The following TMEM131L variants were observed in gnomAD, a reference collection of about 807,000 sequenced individuals.
TMEM131L encodes transmembrane 131 like.
A neutral mutation model predicts 192.2 loss-of-function variants in TMEM131L; 54 were observed. The observed-to-expected ratio is 0.28, with a 90% CI of 0.23 to 0.35. The LOEUF (loss-of-function observed/expected upper bound fraction) is 0.35, where lower values mean the gene tolerates loss of function less well. Among genes scored for constraint, TMEM131L ranks in the 10% least tolerant of loss-of-function variants. TMEM131L has a pLI of 1.00. For missense variants in TMEM131L, 1,888 were observed against 1,972.9 expected (o/e 0.96, Z 0.82); for synonymous variants, 701 against 704.9 (o/e 0.99, Z 0.09).
chr4:153,498,195 G>C (rs1733327427), intron 3 of TMEM131L, among the ~76,000 whole-genome samples: 1 of 152,196 alleles, frequency 6.6e-6, no homozygotes, highest in Admixed American at 6.5e-5. Context: ...GGTAGGCTCT[G>C]GACAGAGCCA....
chr4:153,594,306 TTATCTATAAAAAAGGAC>T (rs963013345), intron 19 of TMEM131L, among the ~76,000 whole-genome samples: 4 of 152,348 alleles, frequency 2.6e-5, no homozygotes, highest in Admixed American at 2.6e-4. Context: ...GATGTTTACC[TTATCTATAAAAAAGGAC>T]TACTCTAAAA....
Position 153,494,867 on chromosome 4 carries a change from T to A in TMEM131L, c.239+20979T>A, listed in dbSNP as rs567003985. ...TTTTAGACATTTGCTCTGAGACCAG[T>A]GCATTGGGTGACCTGCCGGGGCTCC... On this transcript the variant is annotated intron_variant, in intron 3 of 34. Coordinates refer to ENST00000409959, the MANE Select transcript of TMEM131L (RefSeq NM_001131007.2). Among the ~76,000 whole-genome samples the A allele has an allele frequency of 3.2e-3, 489 of 152,326 alleles. 5 individuals carry two copies. The highest frequency in any genetic ancestry group is 9.5e-3 in the African/African-American group (394 of 41,572).
intron 23 of TMEM131L, 80 bp from the exon 24 acceptor site, chr4:153,603,223 C>A (rs752156174): frequency 7.8e-5 from 94 of 1,207,694 alleles, no homozygotes; most frequent in Admixed American, 1.6e-4. Flanking sequence ...AAATCATTCC[C>A]CACTCTTCTG....
At position 153,623,010 on chromosome 4, in the gene TMEM131L, G is replaced by T. The variant is rs770403271; in HGVS notation, c.3972G>T (p.Gly1324=). ...TGCGTGCCAGCCGGGGCAGCTGGGG[G>T]AGCTGGAGCAGCACCAGCAGCTCCG... The part of the protein sequence containing the change: ...GSVRASRGSW[G]SWSSTSSSDG... The change falls in exon 29 of 35, where the codon GGG becomes GGT. Residue 1324 remains glycine (G), a synonymous_variant. Transcript: ENST00000409959. 4.3e-6 allele frequency: 7 copies of T among 1,614,098 alleles called. No homozygotes were observed. The South Asian group carries it at 6.6e-5, about 15-fold the overall frequency.
chr4:153,552,534 T>C (rs1174438676), intron 4 of TMEM131L, among the ~76,000 whole-genome samples: 1 of 152,066 alleles, frequency 6.6e-6, no homozygotes, highest in African/African-American at 2.4e-5. Flanking sequence ...CCATATACTT[T>C]AGATTATCTC....
chr4:153,600,335 C>T (rs1731744724), intron 21 of TMEM131L, among the ~76,000 whole-genome samples: 1 of 151,234 alleles, frequency 6.6e-6, no homozygotes, highest in South Asian at 2.1e-4. Flanking sequence ...CCACTGCACT[C>T]CAGCGTGGGT....
At chr4:153,634,342 G>C (rs969641547) in intron 33 of TMEM131L, 62 bp downstream of exon 33, 26 of 1,311,276 alleles carry the variant, frequency 2.0e-5, no homozygotes, top group Non-Finnish European at 2.8e-5. Flanking sequence ...AAAGCAGGAA[G>C]TGTGTGGACT....
intron 10 of TMEM131L, 157 bp from the exon 11 acceptor site, chr4:153,583,407 T>A: frequency 1.3e-6 from 1 of 754,646 alleles, no homozygotes; most frequent in Non-Finnish European, 2.4e-6. Context: ...TCTGTTTGTA[T>A]GAAGATTGTC....
At chr4:153,595,956 A>G (rs1731405229) in intron 19 of TMEM131L, among the ~76,000 whole-genome samples, 1 of 152,206 alleles carries the variant, frequency 6.6e-6, no homozygotes, top group Non-Finnish European at 1.5e-5. Flanking sequence ...GATGTTGTAC[A>G]TTCAAAGCAT....
At chr4:153,542,091 C>T (rs147486957) in intron 3 of TMEM131L, among the ~76,000 whole-genome samples, 246 of 152,308 alleles carry the variant, frequency 1.6e-3, no homozygotes, top group African/African-American at 5.8e-3. Context: ...TGAACAGCTA[C>T]AGTGATCACA....
At chr4:153,528,116 C>CT (rs1299101302) in intron 3 of TMEM131L, among the ~76,000 whole-genome samples, 1 of 152,176 alleles carries the variant, frequency 6.6e-6, no homozygotes, top group African/African-American at 2.4e-5. Context: ...GGAAAATAGA[C>CT]GTTATACATT....
chr4:153,636,389 G>C lies in TMEM131L; in HGVS notation c.4646G>C (p.Cys1549Ser). The C allele has an allele frequency of 6.2e-7, 1 of 1,614,064 alleles. No homozygotes were observed. The highest frequency in any genetic ancestry group is 8.5e-7 in the Non-Finnish European group (1 of 1,180,026). ...CCGCAAAGCGATGTGTATGAAAATTGCTGCCCCATCAACCCCACCACGGAA... is the reference window on the plus strand; with the variant it reads ...CCGCAAAGCGATGTGTATGAAAATTCCTGCCCCATCAACCCCACCACGGAA... The part of the protein sequence containing the change: ...WAPQSDVYEN[C>S]CPINPTTEHS... The change falls in exon 35 of 35, where the codon TGC becomes TCC. Residue 1549 changes from cysteine to serine, a missense_variant. Coordinates refer to ENST00000409959, the MANE Select transcript of TMEM131L (RefSeq NM_001131007.2).
Position 153,627,599 on chromosome 4 carries a change from C to G in TMEM131L, c.4125-6C>G. ...AGTCGTTCCTCCTTTGCCCTCTTCCCCACAGGACCGTGAATAGTCTCCCAC... is the reference window on the plus strand; with the variant it reads ...AGTCGTTCCTCCTTTGCCCTCTTCCGCACAGGACCGTGAATAGTCTCCCAC... On this transcript the variant is annotated splice_polypyrimidine_tract_variant and splice_region_variant and intron_variant, in intron 30 of 34. Transcript: ENST00000409959. 1 of 1,613,174 alleles carries G rather than the reference C, an allele frequency of 6.2e-7. No homozygotes were observed. The highest frequency in any genetic ancestry group is 8.5e-7 in the Non-Finnish European group (1 of 1,179,172).
chr4:153,602,719 C>G lies in TMEM131L; in HGVS notation c.2631C>G (p.Phe877Leu). The G allele has an allele frequency of 1.9e-6, 3 of 1,613,934 alleles. No homozygotes were observed. The highest frequency in any genetic ancestry group is 2.5e-6 in the Non-Finnish European group (3 of 1,179,882). Residue 877 changes from phenylalanine to leucine, a missense_variant, in exon 23 of 35, where the codon TTC (phenylalanine) becomes TTG (leucine). Phe to Leu is a conservative substitution (Grantham distance 22). Transcript: ENST00000409959. ...AGTCATTTTGGAGGCTCACGGTCTT[C>G]TTTGTCAGGTAAACCACTACTGTCT... ...WEESFWRLTV[F>L]FVSLSLLGVI...
At chr4:153,590,073 A>C (rs1412171282) in intron 16 of TMEM131L, among the ~76,000 whole-genome samples, 3 of 152,228 alleles carry the variant, frequency 2.0e-5, no homozygotes, top group Non-Finnish European at 4.4e-5. Flanking sequence ...AATTTTCCCT[A>C]GTTGATCCAG....
At chr4:153,520,180 G>T (rs1342943099) in intron 3 of TMEM131L, among the ~76,000 whole-genome samples, 1 of 152,064 alleles carries the variant, frequency 6.6e-6, no homozygotes. Flanking sequence ...TGCCAGGCAC[G>T]GTGGCTCACG....
At chr4:153,474,189 G>A (rs748872452) in intron 3 of TMEM131L, among the ~76,000 whole-genome samples, 4 of 152,184 alleles carry the variant, frequency 2.6e-5, no homozygotes, top group East Asian at 3.8e-4. Flanking sequence ...GCCAGGCACC[G>A]TGCTGGGTGC....
intron 24 of TMEM131L, 73 bp from the exon 25 acceptor site, chr4:153,603,729 T>C (rs1732010286): frequency 1.4e-6 from 2 of 1,453,056 alleles, no homozygotes; most frequent in Non-Finnish European, 1.9e-6. Context: ...CCTTTTCTCA[T>C]GGATATGGAA....
chr4:153,508,785 C>T (rs138644364), intron 3 of TMEM131L, among the ~76,000 whole-genome samples: 1,633 of 151,276 alleles, frequency 0.011, 21 homozygotes, highest in Middle Eastern at 0.024. Flanking sequence ...GCTGGGACTA[C>T]AGGCACATAT....
Sources: allele counts gnomAD v4.1 joint callset (sites outside exome capture counted in the v4.1 genomes callset), GRCh38; gene constraint gnomAD v4.1.1; transcripts MANE v1.5; gene names NCBI Gene and HGNC (gene_info 2026-07-23, HGNC 2026-07-21).